CHD2: variants seen among roughly 807,000 people sequenced by gnomAD.
The protein encoded by CHD2 is chromodomain helicase DNA binding protein 2, also known as ATP-dependent chromatin remodeler CHD2.
CHD2 carries 28 observed loss-of-function variants against 243.9 expected under a neutral mutation model. The ratio of observed to expected loss-of-function variants is 0.11; its 90% CI spans 0.09 to 0.16. The LOEUF (loss-of-function observed/expected upper bound fraction) is 0.16, where lower values mean the gene tolerates loss of function less well. CHD2 is among the 10% of genes least tolerant of loss of function. The pLI is 1.00. For missense variants in CHD2, 1,386 were observed against 2,209.8 expected (o/e 0.63, Z 7.47); for synonymous variants, 775 against 779.0 (o/e 0.99, Z 0.09).
intron 2 of CHD2, among the ~76,000 whole-genome samples, chr15:92,923,529 G>C (rs895868751): frequency 2.0e-5 from 3 of 151,168 alleles, no homozygotes; most frequent in Non-Finnish European, 4.4e-5. Context: ...CAAAGTGTTG[G>C]GATTATAGGC....
chr15:93,021,295 CAT>C (rs1365067918), intron 38 of CHD2: 1 of 152,002 alleles, frequency 6.6e-6, no homozygotes. Context: ...TTCCTCTTTA[CAT>C]AATGTTCCTT....
At chr15:92,941,235 A>G (rs750893225) in intron 7 of CHD2, among the ~76,000 whole-genome samples, 4 of 151,484 alleles carry the variant, frequency 2.6e-5, no homozygotes, top group Non-Finnish European at 5.9e-5. Flanking sequence ...CTCGTGATTC[A>G]CCTGTGTCAG....
At chr15:93,020,648 G>A (rs962857234) in intron 38 of CHD2, 2 of 351,144 alleles carry the variant, frequency 5.7e-6, no homozygotes, top group Non-Finnish European at 1.0e-5. Flanking sequence ...AAGAGTCAAA[G>A]TCTTCTGAAG....
At chr15:92,925,955 C>T (rs1487586809) in intron 3 of CHD2, among the ~76,000 whole-genome samples, 1 of 152,074 alleles carries the variant, frequency 6.6e-6, no homozygotes. Flanking sequence ...AATGTCCTTT[C>T]TTAGTGACAT....
intron 36 of CHD2, 101 bp downstream of exon 36, chr15:93,012,545 T>C: frequency 2.6e-6 from 2 of 755,540 alleles, no homozygotes; most frequent in Non-Finnish European, 4.2e-6. Flanking sequence ...CACAGAATCA[T>C]GGGTTATTGC....
At chr15:92,905,354 A>G (rs2052600888) in intron 2 of CHD2, among the ~76,000 whole-genome samples, 2 of 152,188 alleles carry the variant, frequency 1.3e-5, no homozygotes, top group South Asian at 4.1e-4. Flanking sequence ...TTAAAACTTC[A>G]TCGTTCAGCA....
At chr15:92,909,968 G>A (rs1382309878) in intron 2 of CHD2, among the ~76,000 whole-genome samples, 1 of 148,626 alleles carries the variant, frequency 6.7e-6, no homozygotes, top group African/African-American at 2.5e-5. Context: ...GTGTGTGTGT[G>A]TATGTATATA....
At chr15:93,011,502 C>T (rs2054393860) in intron 35 of CHD2, among the ~76,000 whole-genome samples, 1 of 152,106 alleles carries the variant, frequency 6.6e-6, no homozygotes, top group Admixed American at 6.6e-5. Flanking sequence ...GACTGAAGCT[C>T]TTTATAGGAG....
In CHD2 at chr15:92,981,198, T is replaced by G. The variant is rs78495682; in HGVS notation, c.2974-167T>G. On this transcript the variant is annotated intron_variant, in intron 23 of 38. Transcript: ENST00000394196. ...TTTGTATAAATTATAGTTTGAGACA[T>G]TAGATGTAAAAGATGTAGAGTTGAA... 0.015 allele frequency among the ~76,000 whole-genome samples: 2,229 copies of G among 152,310 alleles called. 51 individuals are homozygous for G. The highest frequency in any genetic ancestry group is 0.051 in the African/African-American group (2,136 of 41,560).
chr15:92,987,177 T>C (rs2054054432), intron 26 of CHD2, among the ~76,000 whole-genome samples: 1 of 152,198 alleles, frequency 6.6e-6, no homozygotes, highest in Non-Finnish European at 1.5e-5. Context: ...AATCGATAGG[T>C]CTTGATTGGC....
At chr15:92,959,667 A>G (rs907751351) in intron 16 of CHD2, among the ~76,000 whole-genome samples, 5 of 151,852 alleles carry the variant, frequency 3.3e-5, no homozygotes, top group Non-Finnish European at 7.4e-5. Flanking sequence ...AATTTTTTGT[A>G]TTTTAGTAGA....
chr15:92,902,265 G>A, intron 2 of CHD2: 1 of 397,694 alleles, frequency 2.5e-6, no homozygotes, highest in East Asian at 3.6e-5. Context: ...TACCTTGTTA[G>A]TGATGAAGTA....
intron 37 of CHD2, among the ~76,000 whole-genome samples, chr15:93,016,042 G>A (rs1324682065): frequency 6.6e-6 from 1 of 152,206 alleles, no homozygotes; most frequent in African/African-American, 2.4e-5. Context: ...TTATGTTGAA[G>A]AAATGCCTGC....
chr15:92,975,061 T>C (rs1183638194), intron 20 of CHD2, 111 bp downstream of exon 20: 2 of 835,202 alleles, frequency 2.4e-6, no homozygotes, highest in Non-Finnish European at 1.9e-6. Flanking sequence ...GCAATTCTTT[T>C]GCCTTGAGAA....
intron 34 of CHD2, among the ~76,000 whole-genome samples, chr15:93,008,109 C>T (rs2054344927): frequency 6.6e-6 from 1 of 152,168 alleles, no homozygotes; most frequent in South Asian, 2.1e-4. Context: ...TTTGGTGTTT[C>T]CTCTGGGGCG....
chr15:92,955,432 T>A lies in CHD2; in HGVS notation c.1729T>A (p.Tyr577Asn). The A allele has an allele frequency of 6.3e-7, 1 of 1,581,830 alleles. No homozygotes were observed. The highest frequency in any genetic ancestry group is 8.6e-7 in the Non-Finnish European group (1 of 1,166,376). Residue 577 changes from tyrosine to asparagine, a missense_variant, in exon 15 of 39, where the codon TAT becomes AAT. Physicochemically the swap from Tyr to Asn is moderately radical, Grantham distance 143. Transcript: ENST00000394196. ...TGTTTTTTTCTTATAGATACGGGAA[T>A]ATGAATGGATTCATTCCCAAACCAA... ...DLMSRNTIREYEWIHSQTKRL... is the reference protein window; with the variant it reads ...DLMSRNTIRENEWIHSQTKRL...
chr15:92,903,385 G>A (rs2052557921), intron 2 of CHD2, among the ~76,000 whole-genome samples: 1 of 152,306 alleles, frequency 6.6e-6, no homozygotes, highest in Non-Finnish European at 1.5e-5. Context: ...TGCAGGTCAA[G>A]TAAACTTTGG....
intron 17 of CHD2, among the ~76,000 whole-genome samples, 154 bp downstream of exon 17, chr15:92,967,667 A>G (rs566190654): frequency 4.0e-5 from 6 of 151,074 alleles, no homozygotes; most frequent in Admixed American, 1.3e-4. Flanking sequence ...CTGGGATTAC[A>G]GGGATGCGCC....
At position 93,024,589 on chromosome 15, in the gene CHD2, C is replaced by T; in HGVS notation, c.5371C>T (p.Pro1791Ser). 2 of 1,614,194 alleles carry T rather than the reference C, an allele frequency of 1.2e-6. No individual in the cohort carries two copies. The highest frequency in any genetic ancestry group is 2.2e-5 in the East Asian group (1 of 44,878). Residue 1791 changes from proline to serine, a missense_variant, in exon 39 of 39, where the codon CCT (proline) becomes TCT (serine). By Grantham distance (74) the Pro-to-Ser change is moderately conservative (BLOSUM62 -1). Coordinates refer to ENST00000394196, the MANE Select transcript of CHD2 (RefSeq NM_001271.4). ...HPAVSDPRSP[P>S]SQKSPHDSKS... is the part of the protein sequence containing the mutation. The stretch of plus-strand genomic sequence containing the variant: ...TGCAGTCTCAGATCCTCGCTCACCC[C>T]CTTCTCAGAAATCTCCTCACGATTC...
Sources: gnomAD v4.1 joint callset for allele counts (sites outside exome capture counted in the v4.1 genomes callset) on GRCh38, gnomAD v4.1.1 for gene constraint, MANE v1.5 for transcripts, NCBI Gene and HGNC (gene_info 2026-07-23, HGNC 2026-07-21) for gene names.